Variants in BAALC observed in about 807,000 individuals in gnomAD.
BAALC encodes the protein brain and acute leukemia cytoplasmic protein.
A neutral mutation model predicts 15.5 loss-of-function variants in BAALC; 9 were observed. The ratio of observed to expected loss-of-function variants is 0.58; its 90% CI spans 0.35 to 1.02. The LOEUF (loss-of-function observed/expected upper bound fraction) is 1.02, where lower values mean the gene tolerates loss of function less well. BAALC is among the 50% of genes least tolerant of loss of function. The pLI, the probability that BAALC is intolerant of heterozygous loss-of-function variation, is 0.02. For synonymous variants in BAALC, 80 were observed against 74.6 expected, an observed-to-expected ratio of 1.07 and a Z score of -0.37; for missense variants, 201 against 192.4, an observed-to-expected ratio of 1.04 and a Z score of -0.27.
At chr8:103,189,741 C>T (rs1239892702) in intron 1 of BAALC, among the ~76,000 whole-genome samples, 2 of 152,200 alleles carry the variant, frequency 1.3e-5, no homozygotes, top group African/African-American at 2.4e-5. Flanking sequence ...GGGATACTCA[C>T]CTGACCAGAA....
At position 103,141,064 on chromosome 8, in the gene BAALC, G is replaced by T; in HGVS notation, c.160+7G>T. 1 of 1,482,986 alleles carries T rather than the reference G, an allele frequency of 6.7e-7. No individual in the cohort carries two copies. The highest frequency in any genetic ancestry group is 8.9e-7 in the Non-Finnish European group (1 of 1,117,586). The allele number at this position is 1,482,986 out of a possible 1,614,324, so 91.9% of individuals were successfully genotyped here. A position where few individuals can be genotyped will look rare whatever the true frequency, so the allele number is the denominator to read the frequency against. Reference sequence around the variant, plus strand: ...GCGGGCGGCCTGCACTCGGGTAAGTGGCCGGGCCCCTGCAGACCCTCGCCC... The same window carrying T: ...GCGGGCGGCCTGCACTCGGGTAAGTTGCCGGGCCCCTGCAGACCCTCGCCC... On this transcript the variant is annotated splice_region_variant and intron_variant, in intron 1 of 2. Coordinates refer to ENST00000309982, the MANE Select transcript of BAALC (RefSeq NM_024812.3).
chr8:103,147,369 A>G (rs1191521451), intron 1 of BAALC, among the ~76,000 whole-genome samples: 2 of 152,240 alleles, frequency 1.3e-5, no homozygotes, highest in Non-Finnish European at 2.9e-5. Context: ...ATAGTCAATA[A>G]TAACTCAACT....
Position 103,197,214 on chromosome 8 carries a change from C to T in BAALC, c.161-15705C>T, listed in dbSNP as rs192077575. On this transcript the variant is annotated intron_variant, in intron 1 of 2. Coordinates refer to ENST00000309982, the MANE Select transcript of BAALC (RefSeq NM_024812.3). Reference sequence around the variant, plus strand: ...TTTTTGTTTTAATAATGTAAGTTAACACAAATGCACGTGAAAGGAAAGGTT... The same window carrying T: ...TTTTTGTTTTAATAATGTAAGTTAATACAAATGCACGTGAAAGGAAAGGTT... Among the ~76,000 whole-genome samples the T allele has an allele frequency of 3.3e-5, 5 of 151,872 alleles. No individual in the cohort carries two copies. In the East Asian group the frequency reaches 9.6e-4, roughly 29 times the overall value.
At chr8:103,221,574 C>T (rs1812678733) in intron 2 of BAALC, among the ~76,000 whole-genome samples, 1 of 151,824 alleles carries the variant, frequency 6.6e-6, no homozygotes, top group Non-Finnish European at 1.5e-5. Context: ...GAAACTACAT[C>T]AGAGGGGAAA....
chr8:103,225,054 A>G (rs1812774033), intron 2 of BAALC, among the ~76,000 whole-genome samples: 1 of 152,220 alleles, frequency 6.6e-6, no homozygotes, highest in Non-Finnish European at 1.5e-5. Flanking sequence ...GTGTGATTTT[A>G]TCAGTTCTCT....
intron 1 of BAALC, among the ~76,000 whole-genome samples, chr8:103,204,257 T>C (rs530131287): frequency 6.6e-6 from 1 of 152,296 alleles, no homozygotes; most frequent in Non-Finnish European, 1.5e-5. Context: ...CCTTTGCTGA[T>C]GTTTTATCTG....
intron 1 of BAALC, among the ~76,000 whole-genome samples, chr8:103,178,560 A>G (rs1357086161): frequency 1.3e-5 from 2 of 152,152 alleles, no homozygotes; most frequent in African/African-American, 4.8e-5. Flanking sequence ...TGATTTTGAA[A>G]TAAAAAGTTT....
rs372095584 is a variant in BAALC at position 103,169,188 on chromosome 8, C to T, written c.160+28131C>T. On this transcript the variant is annotated intron_variant, in intron 1 of 2. Coordinates refer to ENST00000309982, the MANE Select transcript of BAALC (RefSeq NM_024812.3). ...ATCCTACTTTTTTGGAGATTTCTTCCATATTGTCTTCCAATTTTTCTTTTG... is the reference window on the plus strand; with the variant it reads ...ATCCTACTTTTTTGGAGATTTCTTCTATATTGTCTTCCAATTTTTCTTTTG... 5.3e-5 allele frequency among the ~76,000 whole-genome samples: 8 copies of T among 151,978 alleles called. No individual in the cohort carries two copies. The South Asian group carries it at 1.7e-3, about 32-fold the overall frequency.
At chr8:103,211,675 A>G (rs1812448605) in intron 1 of BAALC, among the ~76,000 whole-genome samples, 1 of 152,102 alleles carries the variant, frequency 6.6e-6, no homozygotes, top group Non-Finnish European at 1.5e-5. Context: ...ATCTGCATCT[A>G]TTTGAGAGAG....
In BAALC at chr8:103,228,294, A is replaced by G. The variant is rs1355949002; in HGVS notation, c.*195A>G. 3.5e-6 allele frequency: 2 copies of G among 563,948 alleles called. No individual in the cohort carries two copies. Among genetic ancestry groups the G allele is most frequent in the East Asian group, 5.8e-5 (2 of 34,220 alleles). The allele number at this position is 563,948 out of a possible 1,614,324, so 34.9% of individuals were successfully genotyped here. ...CTTCTGAGCCTTCTACTTATCATGT[A>G]AATGTATTGGCACAGTGCTTACATA... On this transcript the variant is annotated 3_prime_UTR_variant, in exon 3 of 3. Transcript: ENST00000309982.
intron 1 of BAALC, among the ~76,000 whole-genome samples, chr8:103,144,142 G>T (rs2129849725): frequency 2.0e-5 from 3 of 152,324 alleles, no homozygotes; most frequent in Middle Eastern, 6.8e-3. Flanking sequence ...AATCCAGATT[G>T]AGGGTGTGTC....
chr8:103,171,023 T>C (rs184616519), intron 1 of BAALC, among the ~76,000 whole-genome samples: 34 of 152,104 alleles, frequency 2.2e-4, no homozygotes, highest in African/African-American at 8.0e-4. Context: ...ACTTTTAAAA[T>C]GCCAATCTGA....
At chr8:103,169,737 G>A (rs80259563) in intron 1 of BAALC, among the ~76,000 whole-genome samples, 3 of 152,268 alleles carry the variant, frequency 2.0e-5, no homozygotes, top group East Asian at 3.9e-4. Flanking sequence ...CAATAGCCCC[G>A]ACCTCAATTG....
At chr8:103,168,772 G>A (rs1497456) in intron 1 of BAALC, among the ~76,000 whole-genome samples, 42,213 of 151,884 alleles carry the variant, frequency 0.28, 6,099 homozygotes, top group East Asian at 0.49. Context: ...TGATCTCATA[G>A]TTCCTGTATT....
chr8:103,150,333 CTGTGTG>C (rs34233321), intron 1 of BAALC, among the ~76,000 whole-genome samples: 1 of 149,272 alleles, frequency 6.7e-6, no homozygotes, highest in Admixed American at 6.7e-5. Flanking sequence ...AGAAACATGG[CTGTGTG>C]TGTGTGTGTG....
At chr8:103,196,642 C>T (rs1346904363) in intron 1 of BAALC, among the ~76,000 whole-genome samples, 1 of 152,132 alleles carries the variant, frequency 6.6e-6, no homozygotes, top group Non-Finnish European at 1.5e-5. Flanking sequence ...CACAGGCCGC[C>T]ATCCCTTCTC....
chr8:103,213,122 G>A (rs370096407), intron 2 of BAALC, 37 bp downstream of exon 2: 357 of 1,605,946 alleles, frequency 2.2e-4, no homozygotes, highest in Non-Finnish European at 2.6e-4. Context: ...GGGGACTGGA[G>A]AATGGGGGTA....
rs562528588 is a variant in BAALC, at chr8:103,222,151, T to A, written c.328-5838T>A. Among the ~76,000 whole-genome samples, 29 of 152,202 alleles carry A rather than the reference T, an allele frequency of 1.9e-4. 1 individual carries two copies. The South Asian group carries it at 6.0e-3, about 32-fold the overall frequency. On this transcript the variant is annotated intron_variant, in intron 2 of 2. Coordinates refer to ENST00000309982, the MANE Select transcript of BAALC (RefSeq NM_024812.3). ...AAGAAAAAGGATTGTGGAGACCAAG[T>A]TTTATTGTGTAGAGGAAGCTCTTAG...
intron 2 of BAALC, among the ~76,000 whole-genome samples, chr8:103,225,712 T>C (rs1414509743): frequency 6.6e-6 from 1 of 152,054 alleles, no homozygotes; most frequent in Non-Finnish European, 1.5e-5. Flanking sequence ...GATATGGGCC[T>C]ATCCAGGATA....
Sources: gnomAD v4.1 joint callset for allele counts (sites outside exome capture counted in the v4.1 genomes callset) on GRCh38, gnomAD v4.1.1 for gene constraint, MANE v1.5 for transcripts, NCBI Gene and HGNC (gene_info 2026-07-23, HGNC 2026-07-21) for gene names.